The following GGT5 variants were observed in gnomAD, a reference collection of about 807,000 sequenced individuals.
GGT5 encodes the protein glutathione hydrolase 5 proenzyme.
A neutral mutation model predicts 58.1 loss-of-function variants in GGT5; 50 were observed. The observed-to-expected ratio is 0.86, with a 90% CI of 0.69 to 1.09. GGT5 has a LOEUF of 1.09. Ranked by LOEUF, GGT5 falls within the 50% of genes least tolerant of loss-of-function variation. The pLI, the probability that GGT5 is intolerant of heterozygous loss-of-function variation, is 0.00. For missense variants in GGT5, 800 were observed against 789.4 expected, an observed-to-expected ratio of 1.01 and a Z score of -0.16; for synonymous variants, 370 against 346.1, an observed-to-expected ratio of 1.07 and a Z score of -0.77.
chr22:24,240,437 G>A (rs1488261114), intron 1 of GGT5, among the ~76,000 whole-genome samples: 1 of 150,858 alleles, frequency 6.6e-6, no homozygotes, highest in East Asian at 1.9e-4. Context: ...ATACAGAAAG[G>A]TGGAAAATAA....
rs2047535616 is a variant in GGT5, at chr22:24,219,803, C to T, written c.*167G>A. On this transcript the variant is annotated 3_prime_UTR_variant, in exon 12 of 12. Transcript: ENST00000327365. Reference sequence around the variant, plus strand: ...CTGGGAAAGGGGGTTAGGGATGAGGCTCAGCCTCTCATCTGCCCAGCTGGT... The same window carrying T: ...CTGGGAAAGGGGGTTAGGGATGAGGTTCAGCCTCTCATCTGCCCAGCTGGT... 2 of 645,004 alleles carry T rather than the reference C, an allele frequency of 3.1e-6. No homozygotes were observed. The highest frequency in any genetic ancestry group is 4.3e-4 in the Middle Eastern group (1 of 2,330). The allele number at this position is 645,004 out of a possible 1,614,324, so 40.0% of individuals were successfully genotyped here.
At chr22:24,224,517 CAA>C (rs575269473) in intron 11 of GGT5, among the ~76,000 whole-genome samples, 9 of 136,530 alleles carry the variant, frequency 6.6e-5, no homozygotes, top group African/African-American at 1.1e-4. Flanking sequence ...GATGCTGTCT[CAA>C]AAAAAAAAAA....
At position 24,233,547 on chromosome 22, in the gene GGT5, G is replaced by T; in HGVS notation, c.351C>A (p.His117Gln). The T allele has an allele frequency of 6.2e-7, 1 of 1,609,478 alleles. No homozygotes were observed. The highest frequency in any genetic ancestry group is 2.2e-5 in the East Asian group (1 of 44,856). Residue 117 changes from histidine (H) to glutamine (Q), a missense_variant, in exon 3 of 12, where the codon CAC (histidine) becomes CAA (glutamine). Coordinates refer to ENST00000327365, the MANE Select transcript of GGT5 (RefSeq NM_004121.5). ...INARETVPAS[H>Q]APSLLDQCAQ... is the part of the protein sequence containing the mutation. ...CACACTGGTCCAGCAGGCTCGGGGC[G>T]TGGCTGGCCGGCACCGTCTCCCGGG...
At chr22:24,227,894 C>G (rs1335313301) in intron 6 of GGT5, among the ~76,000 whole-genome samples, 2 of 151,512 alleles carry the variant, frequency 1.3e-5, no homozygotes, top group Non-Finnish European at 2.9e-5. Context: ...TACAAAAATA[C>G]AAAAATTATC....
At chr22:24,228,993 G>A (rs1273420492) in intron 6 of GGT5, among the ~76,000 whole-genome samples, 1 of 151,992 alleles carries the variant, frequency 6.6e-6, no homozygotes, top group Non-Finnish European at 1.5e-5. Context: ...GGGAGGCTGA[G>A]GCAGGAGAAT....
At chr22:24,220,760 G>C in intron 11 of GGT5, 3 of 444,002 alleles carry the variant, frequency 6.8e-6, no homozygotes, top group Non-Finnish European at 1.3e-5. Context: ...GGCTGGGCGT[G>C]GTGGCTCACA....
rs2048421889 is a variant in GGT5 at position 24,244,595 on chromosome 22, G to T, written c.131C>A (p.Ala44Asp). The change falls in exon 1 of 12, where the codon GCT (alanine) becomes GAT (aspartate). Residue 44 changes from alanine (A) to aspartate (D), a missense_variant. By Grantham distance (126) the Ala-to-Asp change is moderately radical. Coordinates refer to ENST00000327365, the MANE Select transcript of GGT5 (RefSeq NM_004121.5). Reference sequence around the variant, plus strand: ...GACCTTGGAGTCGGCGGCAACAGCAGCGTGGGCAAAGGCCTGGGGGCCACA... The same window carrying T: ...GACCTTGGAGTCGGCGGCAACAGCATCGTGGGCAAAGGCCTGGGGGCCACA... ...APCGPQAFAHAAVAADSKVCS... is the reference protein window; with the variant it reads ...APCGPQAFAHDAVAADSKVCS... 5 of 1,612,452 alleles carry T rather than the reference G, an allele frequency of 3.1e-6. No homozygotes were observed. Among genetic ancestry groups the T allele is most frequent in the Non-Finnish European group, 3.4e-6 (4 of 1,179,876 alleles).
intron 4 of GGT5, 86 bp downstream of exon 4, chr22:24,232,737 G>A (rs1449440352): frequency 6.6e-6 from 6 of 914,980 alleles, no homozygotes; most frequent in Non-Finnish European, 9.5e-6. Flanking sequence ...GTGTAAGAGG[G>A]ACTGAGGCAG....
At chr22:24,239,871 G>C (rs5751820) in intron 1 of GGT5, among the ~76,000 whole-genome samples, 45,068 of 148,150 alleles carry the variant, frequency 0.3, 7,731 homozygotes, top group African/African-American at 0.46. Flanking sequence ...CTCTTAAGGT[G>C]AGGAGTTCAA....
intron 1 of GGT5, among the ~76,000 whole-genome samples, chr22:24,237,007 C>CTTTTTTTTTTTTTTTTTTTCTT (rs35060391): frequency 7.6e-6 from 1 of 131,126 alleles, no homozygotes; most frequent in African/African-American, 2.8e-5. Flanking sequence ...TCTTTTCTCT[C>CTTTTTTTTTTTTTTTTTTTCTT]TTTTTTTTTT....
chr22:24,227,975 G>T (rs1321701414), intron 6 of GGT5, among the ~76,000 whole-genome samples: 1 of 147,000 alleles, frequency 6.8e-6, no homozygotes. Flanking sequence ...CTTGAACCCG[G>T]GAGGAGGAGG....
chr22:24,232,119 G>A lies in GGT5; in HGVS notation c.686C>T (p.Thr229Ile). 6.2e-7 allele frequency: 1 copy of A among 1,610,918 alleles called. No homozygotes were observed. Among genetic ancestry groups the A allele is most frequent in the Non-Finnish European group, 8.5e-7 (1 of 1,178,084 alleles). ...CGTGTAGAAGACCTCCACGCCCTCT[G>A]TGGCCACGGTCTCCAGGGTGGTGGC... ...ALATTLETVA[T>I]EGVEVFYTGR... The change falls in exon 5 of 12, where the codon ACA becomes ATA. Residue 229 changes from threonine to isoleucine, a missense_variant. Coordinates refer to ENST00000327365, the MANE Select transcript of GGT5 (RefSeq NM_004121.5).
intron 11 of GGT5, among the ~76,000 whole-genome samples, chr22:24,222,921 CA>C (rs772462850): frequency 1.3e-5 from 2 of 151,752 alleles, no homozygotes; most frequent in Non-Finnish European, 2.9e-5. Flanking sequence ...ACTAAAAATA[CA>C]AAAAATTAGC....
intron 1 of GGT5, among the ~76,000 whole-genome samples, chr22:24,234,400 C>A (rs2048040011): frequency 6.6e-6 from 1 of 152,226 alleles, no homozygotes. Flanking sequence ...ACTGGGGACA[C>A]TCTGGCCACA....
chr22:24,240,491 CT>C (rs200391250), intron 1 of GGT5, among the ~76,000 whole-genome samples: 1,607 of 143,774 alleles, frequency 0.011, 5 homozygotes, highest in South Asian at 0.015. Context: ...AGCTGTATAA[CT>C]TTTTTTTTTT....
chr22:24,245,043 C>T lies in GGT5; in HGVS notation c.-318G>A, dbSNP rs994500924. ...ATGGACAGATGGCTGGCAGCTGTGGCGAGCTGCTGCCCTCACCAAGTGCAC... is the reference window on the plus strand; with the variant it reads ...ATGGACAGATGGCTGGCAGCTGTGGTGAGCTGCTGCCCTCACCAAGTGCAC... On this transcript the variant is annotated 5_prime_UTR_variant, in exon 1 of 12. Coordinates refer to ENST00000327365, the MANE Select transcript of GGT5 (RefSeq NM_004121.5). 9.8e-5 allele frequency: 35 copies of T among 356,990 alleles called. No homozygotes were observed. The South Asian group carries it at 1.5e-3, about 16-fold the overall frequency. 22.1% of individuals were successfully genotyped at this position (356,990 alleles called of 1,614,324 possible). A position where few individuals can be genotyped will look rare whatever the true frequency, so the allele number is the denominator to read the frequency against.
chr22:24,235,050 CTTT>C (rs71189232), intron 1 of GGT5, among the ~76,000 whole-genome samples: 58 of 75,646 alleles, frequency 7.7e-4, no homozygotes, highest in African/African-American at 3.1e-3. Flanking sequence ...AAGAAGCCAG[CTTT>C]TTTTTTTTTT....
At position 24,229,723 on chromosome 22, in the gene GGT5, C is replaced by T. The variant is rs1347226102; in HGVS notation, c.901+1661G>A. Among the ~76,000 whole-genome samples, 5 of 151,602 alleles carry T rather than the reference C, an allele frequency of 3.3e-5. No individual in the cohort carries two copies. The South Asian group carries it at 6.3e-4, about 19-fold the overall frequency. ...TTAATTAACCAGGCTTGGTAGCGTG[C>T]ACCTGTAATCCCAGCTACTCAGGAG... On this transcript the variant is annotated intron_variant, in intron 6 of 11. Coordinates refer to ENST00000327365, the MANE Select transcript of GGT5 (RefSeq NM_004121.5).
intron 8 of GGT5, 108 bp from the exon 9 acceptor site, chr22:24,225,760 G>A: frequency 4.1e-6 from 3 of 733,256 alleles, no homozygotes; most frequent in Non-Finnish European, 7.2e-6. Context: ...CTGCCCCGAA[G>A]CATGCTGAAG....
Sources: gnomAD v4.1 joint callset for allele counts (sites outside exome capture counted in the v4.1 genomes callset) on GRCh38, gnomAD v4.1.1 for gene constraint, MANE v1.5 for transcripts, NCBI Gene and HGNC (gene_info 2026-07-23, HGNC 2026-07-21) for gene names.